Variants in CNTNAP5 observed in about 807,000 individuals in gnomAD.
CNTNAP5 encodes contactin-associated protein-like 5.
CNTNAP5 carries 72 observed loss-of-function variants against 150.2 expected under a neutral mutation model. That is an observed-to-expected ratio of 0.48 (90% CI 0.40 to 0.58). The LOEUF (loss-of-function observed/expected upper bound fraction) is 0.58, where lower values mean the gene tolerates loss of function less well. Ranked by LOEUF, CNTNAP5 falls within the 20% of genes least tolerant of loss-of-function variation. The pLI is 0.00. For synonymous variants in CNTNAP5, 672 were observed against 619.8 expected, an observed-to-expected ratio of 1.08 and a Z score of -1.25; for missense variants, 1,636 against 1,626.2, an observed-to-expected ratio of 1.01 and a Z score of -0.10.
rs58159754 is a variant in CNTNAP5 at position 124,205,389 on chromosome 2, C to G, written c.83-16316C>G. On this transcript the variant is annotated intron_variant, in intron 1 of 23. Coordinates refer to ENST00000682447, the MANE Select transcript of CNTNAP5 (RefSeq NM_001367498.1). The stretch of plus-strand genomic sequence containing the variant: ...CTGAGGCCTCCCCAGCAATGTGGAA[C>G]TGTGTCAATTAAAGTTGTTTTCTTT... Among the ~76,000 whole-genome samples the G allele has an allele frequency of 9.1e-3, 1,383 of 151,762 alleles. 28 individuals are homozygous for G. The highest frequency in any genetic ancestry group is 0.032 in the African/African-American group (1,330 of 41,404).
intron 4 of CNTNAP5, among the ~76,000 whole-genome samples, chr2:124,423,216 A>G (rs1007768742): frequency 5.9e-5 from 9 of 152,234 alleles, no homozygotes; most frequent in Admixed American, 5.9e-4. Flanking sequence ...GCTTCAACCA[A>G]GTAATTGTAT....
intron 11 of CNTNAP5, among the ~76,000 whole-genome samples, chr2:124,583,296 C>A (rs1016129952): frequency 6.6e-6 from 1 of 152,226 alleles, no homozygotes; most frequent in Non-Finnish European, 1.5e-5. Context: ...AGGGAAGCAA[C>A]TCCTCAAATG....
At chr2:124,115,315 T>G (rs1288102297) in intron 1 of CNTNAP5, among the ~76,000 whole-genome samples, 6 of 151,988 alleles carry the variant, frequency 3.9e-5, no homozygotes, top group African/African-American at 1.5e-4. Flanking sequence ...ACATTAAGAG[T>G]TTTTTTAATT....
intron 3 of CNTNAP5, among the ~76,000 whole-genome samples, chr2:124,250,251 G>C (rs999021343): frequency 6.6e-6 from 1 of 152,116 alleles, no homozygotes; most frequent in African/African-American, 2.4e-5. Context: ...GTAGACCTAG[G>C]GTGGGACTGA....
intron 3 of CNTNAP5, among the ~76,000 whole-genome samples, chr2:124,357,529 AG>A (rs1294424414): frequency 2.0e-5 from 3 of 151,960 alleles, no homozygotes; most frequent in Admixed American, 6.6e-5. Context: ...ACATATGGCT[AG>A]CCAGTTTTCC....
At chr2:124,082,254 C>T (rs1322174197) in intron 1 of CNTNAP5, among the ~76,000 whole-genome samples, 5 of 147,952 alleles carry the variant, frequency 3.4e-5, no homozygotes, top group Non-Finnish European at 1.5e-5. Context: ...GAGGCTGAGG[C>T]AGGAGAATGG....
chr2:124,423,725 C>T (rs376076512), intron 4 of CNTNAP5, among the ~76,000 whole-genome samples: 4 of 113,242 alleles, frequency 3.5e-5, no homozygotes, highest in Non-Finnish European at 5.0e-5. Flanking sequence ...AGTGCAGTGG[C>T]GCAATCGCGG....
intron 11 of CNTNAP5, among the ~76,000 whole-genome samples, chr2:124,573,078 G>T (rs768328581): frequency 6.6e-6 from 1 of 152,116 alleles, no homozygotes; most frequent in Non-Finnish European, 1.5e-5. Context: ...CCACAGAACC[G>T]GTGGAGTTTG....
chr2:124,759,355 T>C (rs1426118666), intron 14 of CNTNAP5, among the ~76,000 whole-genome samples: 2 of 147,082 alleles, frequency 1.4e-5, no homozygotes, highest in African/African-American at 4.9e-5. Context: ...ACATTATATA[T>C]ATATTCATTA....
intron 7 of CNTNAP5, among the ~76,000 whole-genome samples, chr2:124,502,688 T>C (rs947130599): frequency 3.3e-5 from 5 of 152,322 alleles, no homozygotes; most frequent in African/African-American, 1.2e-4. Flanking sequence ...TTGGCCATCA[T>C]TGGTGATGTT....
At chr2:124,526,772 C>T (rs1158771101) in intron 9 of CNTNAP5, among the ~76,000 whole-genome samples, 3 of 152,166 alleles carry the variant, frequency 2.0e-5, no homozygotes, top group East Asian at 3.8e-4. Context: ...ATTCCAGTTA[C>T]GCTCCTGTGT....
intron 7 of CNTNAP5, among the ~76,000 whole-genome samples, chr2:124,487,073 C>T (rs958547942): frequency 1.3e-5 from 2 of 152,174 alleles, no homozygotes; most frequent in Admixed American, 6.5e-5. Flanking sequence ...CAGCTCATCA[C>T]TCTAACAGTA....
In CNTNAP5 at chr2:124,025,808, C is replaced by T. The variant is rs545748371; in HGVS notation, c.82+76C>T. On this transcript the variant is annotated intron_variant, in intron 1 of 23. Transcript: ENST00000682447. Reference sequence around the variant, plus strand: ...TCAGAAAGACAATCAACTATCTAAGCGTACTCGATTGTGTCTGCTTTGGGC... The same window carrying T: ...TCAGAAAGACAATCAACTATCTAAGTGTACTCGATTGTGTCTGCTTTGGGC... The T allele has an allele frequency of 2.2e-4, 268 of 1,196,672 alleles. No homozygotes were observed. The East Asian group carries it at 5.9e-3, about 26-fold the overall frequency. The allele number at this position is 1,196,672 out of a possible 1,614,324, so 74.1% of individuals were successfully genotyped here.
chr2:124,207,567 C>T lies in CNTNAP5; in HGVS notation c.83-14138C>T, dbSNP rs563808220. ...CATTAAAGTTAAATGTCTTGGTTCA[C>T]GGGCACTTACCACTCCCTTCATCAC... On this transcript the variant is annotated intron_variant, in intron 1 of 23. Coordinates refer to ENST00000682447, the MANE Select transcript of CNTNAP5 (RefSeq NM_001367498.1). 9.8e-5 allele frequency among the ~76,000 whole-genome samples: 15 copies of T among 152,288 alleles called. No individual in the cohort carries two copies. In the South Asian group the frequency reaches 2.3e-3, roughly 23 times the overall value.
intron 1 of CNTNAP5, among the ~76,000 whole-genome samples, chr2:124,181,256 T>A (rs1685201822): frequency 6.6e-6 from 1 of 152,112 alleles, no homozygotes; most frequent in Non-Finnish European, 1.5e-5. Flanking sequence ...ACTCAATAAA[T>A]AATTGTAGAA....
At chr2:124,774,642 T>C (rs993476980) in intron 17 of CNTNAP5, among the ~76,000 whole-genome samples, 5 of 152,202 alleles carry the variant, frequency 3.3e-5, no homozygotes, top group African/African-American at 1.2e-4. Context: ...TTGCTAGTCA[T>C]CAAAATCTAA....
At chr2:124,734,183 A>C (rs767330589) in intron 13 of CNTNAP5, among the ~76,000 whole-genome samples, 5 of 152,128 alleles carry the variant, frequency 3.3e-5, no homozygotes, top group Non-Finnish European at 7.4e-5. Flanking sequence ...ACATCTCCAA[A>C]GTCCTGGTCT....
intron 10 of CNTNAP5, among the ~76,000 whole-genome samples, chr2:124,558,633 C>T (rs1695814173): frequency 6.6e-6 from 1 of 152,176 alleles, no homozygotes; most frequent in African/African-American, 2.4e-5. Flanking sequence ...TGAAACTTTA[C>T]AAATTAAAAA....
intron 19 of CNTNAP5, among the ~76,000 whole-genome samples, chr2:124,841,582 G>T (rs1320257402): frequency 6.6e-6 from 1 of 151,976 alleles, no homozygotes; most frequent in African/African-American, 2.4e-5. Context: ...TCCTGCCTGT[G>T]GATGTTCCCT....
Sources: allele counts gnomAD v4.1 joint callset (sites outside exome capture counted in the v4.1 genomes callset), GRCh38; gene constraint gnomAD v4.1.1; transcripts MANE v1.5; gene names NCBI Gene and HGNC (gene_info 2026-07-23, HGNC 2026-07-21).